The following CTNNA3 variants were observed in gnomAD, a reference collection of about 807,000 sequenced individuals.
The protein encoded by CTNNA3 is catenin alpha-3.
Under a neutral mutation model 95.7 loss-of-function variants are expected in CTNNA3, and 76 were observed. The observed-to-expected ratio is 0.79, with a 90% CI of 0.66 to 0.96. The LOEUF is 0.96. CTNNA3 is among the 40% of genes least tolerant of loss of function. The probability of loss-of-function intolerance (pLI) is 0.00; values close to 1 mark genes in which losing one functional copy is unlikely to be tolerated. For synonymous variants in CTNNA3, 431 were observed against 374.4 expected, an observed-to-expected ratio of 1.15 and a Z score of -1.74; for missense variants, 1,191 against 1,089.8, an observed-to-expected ratio of 1.09 and a Z score of -1.31.
chr10:66,118,965 G>A (rs953650491), intron 13 of CTNNA3, among the ~76,000 whole-genome samples: 6 of 151,914 alleles, frequency 3.9e-5, no homozygotes, highest in African/African-American at 9.7e-5. Flanking sequence ...GGCTGACCTC[G>A]AACTCCTGGG....
rs573168279 is a variant in CTNNA3, at chr10:67,305,810, T to A, written c.580-85940A>T. 3.3e-5 allele frequency among the ~76,000 whole-genome samples: 5 copies of A among 152,196 alleles called. No individual in the cohort carries two copies. The South Asian group carries it at 1.0e-3, about 32-fold the overall frequency. On this transcript the variant is annotated intron_variant, in intron 5 of 17. Coordinates refer to ENST00000433211, the MANE Select transcript of CTNNA3 (RefSeq NM_013266.4). ...TCTGGTTGAGTAGCTAGAAGAGATA[T>A]CAGTGGATGCTAATACAGGACTGAG...
chr10:66,876,259 C>T (rs1844617344), intron 7 of CTNNA3, among the ~76,000 whole-genome samples: 2 of 152,032 alleles, frequency 1.3e-5, no homozygotes, highest in Admixed American at 1.3e-4. Flanking sequence ...ACTAGTTAAA[C>T]AGAAAACTGA....
intron 7 of CTNNA3, among the ~76,000 whole-genome samples, chr10:66,791,373 T>C (rs556656967): frequency 3.3e-5 from 5 of 152,312 alleles, no homozygotes; most frequent in African/African-American, 1.2e-4. Context: ...TAGTTAAACA[T>C]GTCATTCCCT....
intron 17 of CTNNA3, among the ~76,000 whole-genome samples, chr10:65,943,304 T>C (rs552917622): frequency 6.6e-6 from 1 of 152,288 alleles, no homozygotes; most frequent in Non-Finnish European, 1.5e-5. Context: ...GACCTCGTGA[T>C]CCACCCACCT....
At position 67,138,380 on chromosome 10, in the gene CTNNA3, T is replaced by C. The variant is rs1169162464; in HGVS notation, c.1047+41937A>G. 3.3e-5 allele frequency among the ~76,000 whole-genome samples: 5 copies of C among 152,226 alleles called. No individual in the cohort carries two copies. In the East Asian group the frequency reaches 9.6e-4, roughly 29 times the overall value. On this transcript the variant is annotated intron_variant, in intron 7 of 17. Coordinates refer to ENST00000433211, the MANE Select transcript of CTNNA3 (RefSeq NM_013266.4). ...AACATTTCTCATTTATAAATCATAC[T>C]GTTCAGTAGATCATAATCTGTAGCA... is the stretch of plus-strand genomic sequence containing the variant.
At chr10:66,769,455 T>A (rs1287825000) in intron 8 of CTNNA3, among the ~76,000 whole-genome samples, 1 of 152,258 alleles carries the variant, frequency 6.6e-6, no homozygotes, top group Non-Finnish European at 1.5e-5. Flanking sequence ...CCTGATCCTT[T>A]ACCTTCACTA....
intron 13 of CTNNA3, among the ~76,000 whole-genome samples, chr10:66,233,260 C>T (rs576801397): frequency 6.6e-6 from 1 of 150,980 alleles, no homozygotes; most frequent in Non-Finnish European, 1.5e-5. Context: ...ATCTTCATGA[C>T]CTTAAAGTTT....
intron 5 of CTNNA3, among the ~76,000 whole-genome samples, chr10:67,270,619 G>C (rs751232075): frequency 6.6e-6 from 1 of 152,168 alleles, no homozygotes; most frequent in Non-Finnish European, 1.5e-5. Context: ...AATACAAGCA[G>C]TAAAAATGTG....
At chr10:67,510,357 T>A (rs1249324574) in intron 5 of CTNNA3, among the ~76,000 whole-genome samples, 1 of 152,178 alleles carries the variant, frequency 6.6e-6, no homozygotes, top group Non-Finnish European at 1.5e-5. Context: ...CTTGAATTAA[T>A]TTTTGTATAA....
At chr10:67,410,332 A>C (rs1177525102) in intron 5 of CTNNA3, among the ~76,000 whole-genome samples, 4 of 152,050 alleles carry the variant, frequency 2.6e-5, no homozygotes, top group African/African-American at 7.2e-5. Context: ...GGGGGGAACA[A>C]CACACACTGG....
chr10:66,056,991 G>T (rs2080100519), intron 15 of CTNNA3, among the ~76,000 whole-genome samples: 1 of 152,138 alleles, frequency 6.6e-6, no homozygotes, highest in Non-Finnish European at 1.5e-5. Flanking sequence ...TTTCAATTCA[G>T]TAAGAATCAG....
At chr10:66,864,616 C>T (rs965637316) in intron 7 of CTNNA3, among the ~76,000 whole-genome samples, 3 of 152,084 alleles carry the variant, frequency 2.0e-5, no homozygotes, top group African/African-American at 7.2e-5. Context: ...TGAAATTTGA[C>T]TCTAGCTAGT....
chr10:67,687,292 C>A (rs890289165), intron 1 of CTNNA3, among the ~76,000 whole-genome samples: 2 of 152,202 alleles, frequency 1.3e-5, no homozygotes, highest in Non-Finnish European at 2.9e-5. Context: ...TGGTTGGGGG[C>A]TTCTGGCCCA....
chr10:66,900,097 G>A (rs946042117), intron 7 of CTNNA3, among the ~76,000 whole-genome samples: 1 of 152,062 alleles, frequency 6.6e-6, no homozygotes, highest in African/African-American at 2.4e-5. Context: ...CTCCCAGTAG[G>A]GGCCGACAGA....
At chr10:66,072,859 G>T (rs181809150) in intron 14 of CTNNA3, among the ~76,000 whole-genome samples, 32 of 152,022 alleles carry the variant, frequency 2.1e-4, no homozygotes, top group Admixed American at 2.1e-3. Context: ...TTTACATTGG[G>T]AAATAAAATT....
At chr10:67,504,547 C>T (rs1839374172) in intron 5 of CTNNA3, among the ~76,000 whole-genome samples, 1 of 151,534 alleles carries the variant, frequency 6.6e-6, no homozygotes, top group South Asian at 2.1e-4. Context: ...ATCCACTAGG[C>T]CAGGTGTTTG....
chr10:66,583,469 T>C (rs757169662), intron 10 of CTNNA3, among the ~76,000 whole-genome samples: 54 of 151,854 alleles, frequency 3.6e-4, no homozygotes, highest in Non-Finnish European at 7.1e-4. Flanking sequence ...TTTGTGTGCA[T>C]AGAGCTCTTC....
intron 3 of CTNNA3, among the ~76,000 whole-genome samples, chr10:67,554,992 C>T (rs1841183008): frequency 6.6e-6 from 1 of 152,146 alleles, no homozygotes; most frequent in Admixed American, 6.5e-5. Flanking sequence ...GTTTTCCCAG[C>T]ACCATTTATT....
At chr10:66,272,908 C>T (rs547500067) in intron 13 of CTNNA3, among the ~76,000 whole-genome samples, 1 of 152,132 alleles carries the variant, frequency 6.6e-6, no homozygotes, top group Non-Finnish European at 1.5e-5. Context: ...GAACACATTT[C>T]CATTTCTGTC....
Sources: allele counts gnomAD v4.1 joint callset (sites outside exome capture counted in the v4.1 genomes callset), GRCh38; gene constraint gnomAD v4.1.1; transcripts MANE v1.5; gene names NCBI Gene and HGNC (gene_info 2026-07-23, HGNC 2026-07-21).